Variants in NEBL observed in about 807,000 individuals in gnomAD.
NEBL encodes the protein nebulette, also known as LIM and SH3 protein 2.
A neutral mutation model predicts 140.2 loss-of-function variants in NEBL; 122 were observed. That is an observed-to-expected ratio of 0.87 (90% CI 0.75 to 1.01). The LOEUF is 1.01. Ranked by LOEUF, NEBL falls within the 50% of genes least tolerant of loss-of-function variation. NEBL has a pLI of 0.00. For missense variants in NEBL, 1,365 were observed against 1,231.3 expected, an observed-to-expected ratio of 1.11 and a Z score of -1.62; for synonymous variants, 436 against 398.9, an observed-to-expected ratio of 1.09 and a Z score of -1.11.
chr10:21,110,342 ATAGGCCTAT>A (rs955232303), intron 2 of NEBL, among the ~76,000 whole-genome samples: 1 of 152,124 alleles, frequency 6.6e-6, no homozygotes, highest in Non-Finnish European at 1.5e-5. Flanking sequence ...AAGTTTCTTA[ATAGGCCTAT>A]GTCTTCTTAA....
chr10:20,979,335 AG>A (rs1589102775), intron 3 of NEBL, among the ~76,000 whole-genome samples: 1 of 152,228 alleles, frequency 6.6e-6, no homozygotes, highest in African/African-American at 2.4e-5. Flanking sequence ...GAAAAAAAAA[AG>A]AAAAACCTGG....
intron 2 of NEBL, among the ~76,000 whole-genome samples, chr10:21,022,353 G>A (rs902418829): frequency 6.6e-6 from 1 of 152,180 alleles, no homozygotes; most frequent in African/African-American, 2.4e-5. Flanking sequence ...GGCGTCCCAT[G>A]AGAAGGCTGA....
At chr10:21,183,116 A>T (rs951137569) in intron 3 of NEBL, among the ~76,000 whole-genome samples, 1 of 152,152 alleles carries the variant, frequency 6.6e-6, no homozygotes, top group African/African-American at 2.4e-5. Flanking sequence ...GGGGCCCCCC[A>T]AGCAGGGACA....
chr10:21,031,882 A>G (rs1833812139), intron 2 of NEBL, among the ~76,000 whole-genome samples: 1 of 152,202 alleles, frequency 6.6e-6, no homozygotes, highest in South Asian at 2.1e-4. Context: ...ACTCACATTC[A>G]TTGCACATAA....
chr10:20,945,625 G>A (rs1835118551), intron 4 of NEBL, among the ~76,000 whole-genome samples: 1 of 152,214 alleles, frequency 6.6e-6, no homozygotes, highest in Non-Finnish European at 1.5e-5. Context: ...GGTTCCCAGT[G>A]TTAAGAAACT....
At chr10:21,012,795 C>A (rs1327834114) in intron 3 of NEBL, among the ~76,000 whole-genome samples, 1 of 152,108 alleles carries the variant, frequency 6.6e-6, no homozygotes, top group Non-Finnish European at 1.5e-5. Flanking sequence ...AGCCTGCCCA[C>A]CCAAAATACA....
intron 3 of NEBL, among the ~76,000 whole-genome samples, chr10:21,009,651 C>T (rs936617527): frequency 7.2e-5 from 11 of 152,170 alleles, no homozygotes; most frequent in African/African-American, 2.7e-4. Flanking sequence ...TATCTCATTT[C>T]AGAATACAAT....
At position 21,173,647 on chromosome 10, in the gene NEBL, G is replaced by C. The variant is rs1841183983; in HGVS notation, c.69+118C>G. The C allele has an allele frequency of 6.5e-7, 1 of 1,538,714 alleles. No homozygotes were observed. ...TTCGCGCGCCCTCCCCCCGTGCCAA[G>C]GCACACGCACACGCACCGACCCACT... On this transcript the variant is annotated intron_variant, in intron 1 of 6. Transcript: ENST00000417816. This position sits in a 1 kb window ranked among gnomAD's most constrained non-coding sequence, Gnocchi z 5.7.
At chr10:21,015,553 G>T (rs960134849) in intron 3 of NEBL, among the ~76,000 whole-genome samples, 3 of 152,124 alleles carry the variant, frequency 2.0e-5, no homozygotes, top group Non-Finnish European at 4.4e-5. Flanking sequence ...TGTCAGCCAG[G>T]CTGCTGGAGC....
chr10:20,793,346 A>T, intron 26 of NEBL: 1 of 976,392 alleles, frequency 1.0e-6, no homozygotes. Flanking sequence ...TTTATATGTT[A>T]AATCTTCAGT....
chr10:20,809,398 A>G (rs1837911414), intron 25 of NEBL, among the ~76,000 whole-genome samples: 1 of 152,220 alleles, frequency 6.6e-6, no homozygotes, highest in East Asian at 1.9e-4. Flanking sequence ...TTATTTTAAG[A>G]CATCTATGAT....
chr10:21,061,430 G>T (rs192027307), intron 2 of NEBL, among the ~76,000 whole-genome samples: 2 of 146,142 alleles, frequency 1.4e-5, no homozygotes, highest in Non-Finnish European at 3.0e-5. Flanking sequence ...TATATTGCAT[G>T]GTGTATGATA....
intron 1 of NEBL, among the ~76,000 whole-genome samples, chr10:21,289,093 C>T (rs981024785): frequency 3.3e-5 from 5 of 151,564 alleles, no homozygotes; most frequent in East Asian, 2.0e-4. Flanking sequence ...GTGATCCACC[C>T]GCCTCAGCTT....
intron 11 of NEBL, among the ~76,000 whole-genome samples, chr10:20,847,767 C>T (rs527428519): frequency 6.6e-6 from 1 of 152,322 alleles, no homozygotes; most frequent in South Asian, 2.1e-4. Flanking sequence ...CAGCTTCATA[C>T]TGTCTTAACC....
chr10:21,021,890 G>A (rs954170829), intron 2 of NEBL, among the ~76,000 whole-genome samples: 8 of 152,178 alleles, frequency 5.3e-5, no homozygotes, highest in African/African-American at 1.4e-4. Flanking sequence ...CAGAAGAAAC[G>A]AAGGGATGGA....
intron 2 of NEBL, among the ~76,000 whole-genome samples, chr10:21,133,013 C>T (rs928431971): frequency 3.3e-5 from 5 of 152,112 alleles, no homozygotes; most frequent in African/African-American, 9.7e-5. Context: ...CCTTTTATTG[C>T]ATGTGTTTTT....
At chr10:20,914,969 A>ATTTTGTTTTTTTTTTTT (rs1848480418) in intron 4 of NEBL, among the ~76,000 whole-genome samples, 1 of 111,244 alleles carries the variant, frequency 9.0e-6, no homozygotes, top group African/African-American at 3.4e-5. Context: ...AGTGGCTGGG[A>ATTTTGTTTTTTTTTTTT]TTTTTTTTTT....
chr10:21,186,988 A>ATG (rs35359446), intron 3 of NEBL, among the ~76,000 whole-genome samples: 6,467 of 141,904 alleles, frequency 0.046, 299 homozygotes, highest in East Asian at 0.21. Context: ...CCAACTCTGT[A>ATG]TGTGTGTGTG....
In NEBL at chr10:21,141,660, G is replaced by A. The variant is rs141505233; in HGVS notation, c.164+30723C>T. On this transcript the variant is annotated intron_variant, in intron 2 of 6. Transcript: ENST00000417816. ...AAAAAGATGGTTAAAAGCTGAAAAA[G>A]TAAAACTAAGAGACTAGAACAAGAT... 3.7e-3 allele frequency among the ~76,000 whole-genome samples: 568 copies of A among 152,248 alleles called. 1 individual carries two copies. The highest frequency in any genetic ancestry group is 0.013 in the African/African-American group (550 of 41,544).
Sources: allele counts gnomAD v4.1 joint callset (sites outside exome capture counted in the v4.1 genomes callset), GRCh38; gene constraint gnomAD v4.1.1; non-coding constraint Gnocchi (gnomAD v3.1); transcripts MANE v1.5; gene names NCBI Gene and HGNC (gene_info 2026-07-23, HGNC 2026-07-21).